The following OPA1 variants were observed in gnomAD, a reference collection of about 807,000 sequenced individuals.
The protein encoded by OPA1 is OPA1 mitochondrial dynamin like GTPase, also known as dynamin-like GTPase OPA1, mitochondrial.
OPA1 carries 59 observed loss-of-function variants against 152.9 expected under a neutral mutation model. That is an observed-to-expected ratio of 0.39 (90% CI 0.31 to 0.48). OPA1 has a LOEUF of 0.48. Ranked by LOEUF, OPA1 falls within the 20% of genes least tolerant of loss-of-function variation. The pLI, the probability that OPA1 is intolerant of heterozygous loss-of-function variation, is 0.96. For missense variants in OPA1, 1,008 were observed against 1,216.8 expected, an observed-to-expected ratio of 0.83 and a Z score of 2.55; for synonymous variants, 400 against 389.9, an observed-to-expected ratio of 1.03 and a Z score of -0.31.
At chr3:193,657,952 G>GT (rs1714253650) in intron 23 of OPA1, among the ~76,000 whole-genome samples, 1 of 152,132 alleles carries the variant, frequency 6.6e-6, no homozygotes, top group Admixed American at 6.5e-5. Flanking sequence ...TTAAAGAAGT[G>GT]TTTGTCTTTA....
intron 6 of OPA1, among the ~76,000 whole-genome samples, chr3:193,621,852 A>G (rs927361667): frequency 1.3e-5 from 2 of 152,208 alleles, no homozygotes; most frequent in African/African-American, 2.4e-5. Flanking sequence ...CCTACTTTAG[A>G]GAATTGGACT....
chr3:193,647,648 G>A (rs913603782), intron 19 of OPA1, among the ~76,000 whole-genome samples: 10 of 152,142 alleles, frequency 6.6e-5, no homozygotes, highest in Middle Eastern at 3.2e-3. Context: ...ATTTATGCCA[G>A]TTAGTCCCTC....
At chr3:193,647,961 G>T in intron 19 of OPA1, 109 bp from the exon 20 acceptor site, 1 of 770,824 alleles carries the variant, frequency 1.3e-6, no homozygotes, top group Middle Eastern at 2.3e-4. Flanking sequence ...GGTCATAGGC[G>T]CACTCTCAGA....
In OPA1 at chr3:193,626,172, T is replaced by C. The variant is rs773727169; in HGVS notation, c.759T>C (p.Tyr253=). The change falls in exon 7 of 31, where the codon TAT becomes TAC. Residue 253 remains tyrosine (Y), a synonymous_variant. Transcript: ENST00000361510. ...EEEARRAAGQ[Y]STSYAQQKRK... is the part of the protein sequence containing the mutation. The stretch of plus-strand genomic sequence containing the variant: ...AAGCGCGCAGAGCCGCTGGCCAATA[T>C]AGCACGAGCTATGCCCAACAGAAGC... The C allele has an allele frequency of 6.2e-7, 1 of 1,614,078 alleles. No individual in the cohort carries two copies. Among genetic ancestry groups the C allele is most frequent in the South Asian group, 1.1e-5 (1 of 91,080 alleles).
intron 29 of OPA1, among the ~76,000 whole-genome samples, chr3:193,678,767 G>T (rs896855057): frequency 3.9e-5 from 6 of 152,062 alleles, no homozygotes; most frequent in African/African-American, 1.4e-4. Context: ...CTGTATTTGG[G>T]ACCTGGCCTT....
At chr3:193,610,691 G>A (rs1014443334) in intron 1 of OPA1, among the ~76,000 whole-genome samples, 6 of 152,228 alleles carry the variant, frequency 3.9e-5, no homozygotes, top group Admixed American at 3.9e-4. Context: ...CACCCAGTTC[G>A]AGCTTCCCAG....
At chr3:193,668,558 C>G (rs1164076018) in intron 29 of OPA1, 7 of 1,546,812 alleles carry the variant, frequency 4.5e-6, no homozygotes, top group African/African-American at 1.4e-5. Flanking sequence ...TCACCTGAAG[C>G]CAGACCATGC....
At chr3:193,631,323 A>G (rs1732036278) in intron 7 of OPA1, among the ~76,000 whole-genome samples, 1 of 152,176 alleles carries the variant, frequency 6.6e-6, no homozygotes, top group Non-Finnish European at 1.5e-5. Context: ...ATATGTGTTG[A>G]TCTCTTGTTT....
chr3:193,663,027 AC>A, intron 26 of OPA1, 65 bp downstream of exon 26: 1 of 1,515,160 alleles, frequency 6.6e-7, no homozygotes, highest in East Asian at 2.3e-5. Flanking sequence ...AGTAAATGTT[AC>A]TACATGTGTT....
intron 25 of OPA1, among the ~76,000 whole-genome samples, chr3:193,661,175 G>A (rs886818150): frequency 1.3e-5 from 2 of 152,186 alleles, no homozygotes; most frequent in Admixed American, 6.5e-5. Context: ...TAAAGTCAGT[G>A]CAAAGGGTCT....
At chr3:193,593,471 T>C (rs369980159) in intron 1 of OPA1, 62 bp downstream of exon 1, 2 of 1,419,572 alleles carry the variant, frequency 1.4e-6, no homozygotes, top group African/African-American at 1.5e-5. Flanking sequence ...GGGGCTGTCT[T>C]ATCTCTATCT....
chr3:193,667,099 A>T (rs1408107340), intron 28 of OPA1, 71 bp from the exon 29 acceptor site: 1 of 768,906 alleles, frequency 1.3e-6, no homozygotes, highest in Non-Finnish European at 2.4e-6. Flanking sequence ...CCATATATAT[A>T]GGTTAATTTT....
intron 1 of OPA1, among the ~76,000 whole-genome samples, chr3:193,599,468 A>G (rs1335537759): frequency 6.7e-6 from 1 of 148,820 alleles, no homozygotes; most frequent in Non-Finnish European, 1.5e-5. Flanking sequence ...TTAAACCTCC[A>G]TCACACTTCA....
intron 1 of OPA1, among the ~76,000 whole-genome samples, chr3:193,606,005 G>A (rs1158815245): frequency 6.6e-6 from 1 of 152,086 alleles, no homozygotes; most frequent in Non-Finnish European, 1.5e-5. Flanking sequence ...AAGGTATTAC[G>A]GGGAGCAATC....
In OPA1 at chr3:193,657,065, T is replaced by A; in HGVS notation, c.2179-15T>A. On this transcript the variant is annotated splice_polypyrimidine_tract_variant and intron_variant, in intron 22 of 30. Coordinates refer to ENST00000361510, the MANE Select transcript of OPA1 (RefSeq NM_130837.3). ...GTAGTAATAATATGGCTTTTTTTCT[T>A]TCAAATAATTATAGGTTGCTTGGGA... 6.3e-7 allele frequency: 1 copy of A among 1,598,224 alleles called. No homozygotes were observed. The highest frequency in any genetic ancestry group is 8.5e-7 in the Non-Finnish European group (1 of 1,174,792).
intron 1 of OPA1, among the ~76,000 whole-genome samples, chr3:193,595,903 C>T (rs750177256): frequency 3.9e-5 from 6 of 151,910 alleles, no homozygotes; most frequent in East Asian, 1.9e-4. Flanking sequence ...TTGTACTCGT[C>T]GTCTGTTAAA....
At chr3:193,612,774 G>T (rs1377872109) in intron 1 of OPA1, among the ~76,000 whole-genome samples, 1 of 152,178 alleles carries the variant, frequency 6.6e-6, no homozygotes, top group Admixed American at 6.5e-5. Flanking sequence ...ATTAAATAAG[G>T]TACTTATCAG....
intron 15 of OPA1, 130 bp downstream of exon 15, chr3:193,643,757 TTTA>T: frequency 1.1e-6 from 1 of 938,044 alleles, no homozygotes; most frequent in Non-Finnish European, 1.6e-6. Flanking sequence ...TCGTATTCAT[TTTA>T]TTAGTAAATT....
At chr3:193,619,460 T>G (rs1281425712) in intron 6 of OPA1, 1 of 154,144 alleles carries the variant, frequency 6.5e-6, no homozygotes, top group Non-Finnish European at 1.4e-5. Flanking sequence ...ATATTGATAG[T>G]TAACAAAGTT....
Sources: allele counts gnomAD v4.1 joint callset (sites outside exome capture counted in the v4.1 genomes callset), GRCh38; gene constraint gnomAD v4.1.1; transcripts MANE v1.5; gene names NCBI Gene and HGNC (gene_info 2026-07-23, HGNC 2026-07-21).